GALNTL6: variants seen among roughly 807,000 people sequenced by gnomAD.
The protein encoded by GALNTL6 is polypeptide N-acetylgalactosaminyltransferase-like 6.
A neutral mutation model predicts 73.7 loss-of-function variants in GALNTL6; 46 were observed. The observed-to-expected ratio is 0.62, with a 90% confidence interval of 0.49 to 0.80. The LOEUF (loss-of-function observed/expected upper bound fraction) is 0.80. GALNTL6 is among the 30% of genes least tolerant of loss of function. GALNTL6 has a pLI of 0.00. For missense variants in GALNTL6, 604 were observed against 755.0 expected (o/e 0.80, Z 2.34); for synonymous variants, 259 against 263.7 (o/e 0.98, Z 0.17).
intron 2 of GALNTL6, among the ~76,000 whole-genome samples, chr4:172,225,163 G>A (rs932536272): frequency 2.0e-5 from 3 of 152,036 alleles, no homozygotes; most frequent in East Asian, 2.0e-4. Flanking sequence ...AACAGAGGAC[G>A]CATGATATAA....
At position 172,948,293 on chromosome 4, in the gene GALNTL6, T is replaced by G. The variant is rs539181991; in HGVS notation, c.1150-3744T>G. Among the ~76,000 whole-genome samples the G allele has an allele frequency of 1.6e-4, 24 of 152,334 alleles. 1 individual carries two copies. The East Asian group carries it at 3.8e-3, about 24-fold the overall frequency. On this transcript the variant is annotated intron_variant, in intron 9 of 12. Transcript: ENST00000506823. ...TTGTTATTGCCATCTTTGCAATTAT[T>G]ATGTTGTTTCTGTTTTACCATCTCT...
At chr4:171,918,379 T>G (rs1737688176) in intron 2 of GALNTL6, among the ~76,000 whole-genome samples, 1 of 152,238 alleles carries the variant, frequency 6.6e-6, no homozygotes, top group Non-Finnish European at 1.5e-5. Context: ...ATATGATGTG[T>G]CATGTTCTGA....
At chr4:172,206,885 T>G (rs1736146946) in intron 2 of GALNTL6, among the ~76,000 whole-genome samples, 2 of 142,584 alleles carry the variant, frequency 1.4e-5, no homozygotes, top group South Asian at 2.3e-4. Flanking sequence ...TGGTGTGATC[T>G]CCACTCACTG....
At chr4:171,859,742 T>C (rs755446394) in intron 2 of GALNTL6, among the ~76,000 whole-genome samples, 1 of 152,176 alleles carries the variant, frequency 6.6e-6, no homozygotes, top group African/African-American at 2.4e-5. Flanking sequence ...TGAGCTTTGG[T>C]GTCCAGGGTT....
At chr4:172,494,905 C>T (rs1186485925) in intron 5 of GALNTL6, among the ~76,000 whole-genome samples, 2 of 152,170 alleles carry the variant, frequency 1.3e-5, no homozygotes, top group Non-Finnish European at 2.9e-5. Flanking sequence ...ATGTTAGTCT[C>T]CTTTGGCAAC....
intron 9 of GALNTL6, among the ~76,000 whole-genome samples, chr4:172,943,226 T>C (rs1749000181): frequency 6.6e-6 from 1 of 151,966 alleles, no homozygotes; most frequent in African/African-American, 2.4e-5. Context: ...CCCTGTAGAA[T>C]GGCCCATGTC....
intron 5 of GALNTL6, among the ~76,000 whole-genome samples, chr4:172,431,072 A>G (rs1261020279): frequency 2.0e-5 from 3 of 152,152 alleles, no homozygotes; most frequent in African/African-American, 4.8e-5. Flanking sequence ...TCTTTTGTTT[A>G]TGATGTGATA....
At chr4:172,390,544 T>C (rs1201755915) in intron 5 of GALNTL6, among the ~76,000 whole-genome samples, 1 of 152,226 alleles carries the variant, frequency 6.6e-6, no homozygotes, top group African/African-American at 2.4e-5. Context: ...TTGTCCAGCA[T>C]GTCTACGCAG....
chr4:172,106,148 G>C (rs982681326), intron 2 of GALNTL6, among the ~76,000 whole-genome samples: 30 of 152,154 alleles, frequency 2.0e-4, no homozygotes, highest in Admixed American at 2.0e-3. Context: ...GAGTGGCTTA[G>C]ATAAGCAATA....
intron 2 of GALNTL6, among the ~76,000 whole-genome samples, chr4:172,165,854 T>G (rs1473562419): frequency 6.6e-6 from 1 of 152,148 alleles, no homozygotes; most frequent in Non-Finnish European, 1.5e-5. Context: ...TGCTGCTTCA[T>G]AGGAGTGATC....
chr4:172,469,859 A>G (rs1198208804), intron 5 of GALNTL6, among the ~76,000 whole-genome samples: 1 of 152,230 alleles, frequency 6.6e-6, no homozygotes, highest in African/African-American at 2.4e-5. Context: ...AGTGATATGA[A>G]TAAATGGTAG....
intron 7 of GALNTL6, among the ~76,000 whole-genome samples, chr4:172,867,244 C>T (rs1391754115): frequency 6.6e-6 from 1 of 152,138 alleles, no homozygotes; most frequent in Admixed American, 6.6e-5. Flanking sequence ...TAACATCCCC[C>T]CTACTTGTAG....
chr4:172,781,398 A>C (rs1274779995), intron 5 of GALNTL6, among the ~76,000 whole-genome samples: 1 of 152,242 alleles, frequency 6.6e-6, no homozygotes, highest in East Asian at 1.9e-4. Flanking sequence ...ACTAAATGAA[A>C]AATTAAAAGG....
chr4:172,360,315 C>A (rs1742317195), intron 5 of GALNTL6, among the ~76,000 whole-genome samples: 1 of 11,812 alleles, frequency 8.5e-5, no homozygotes, highest in African/African-American at 9.3e-5. Context: ...TATGAGAATG[C>A]TTTATCATCA....
At chr4:171,909,923 A>G (rs28715652) in intron 2 of GALNTL6, among the ~76,000 whole-genome samples, 85,922 of 151,872 alleles carry the variant, frequency 0.57, 25,480 homozygotes, top group African/African-American at 0.75. Flanking sequence ...ACTATTTTCT[A>G]TATTTGGATA....
At chr4:171,873,763 A>G (rs907108982) in intron 2 of GALNTL6, among the ~76,000 whole-genome samples, 18 of 152,156 alleles carry the variant, frequency 1.2e-4, no homozygotes, top group South Asian at 1.0e-3. Flanking sequence ...TGTTAATTCT[A>G]TGGATCAATA....
chr4:172,206,790 TTGTTTTGTTTTTCTGTTTTTTTTGTTTG>T, intron 2 of GALNTL6, among the ~76,000 whole-genome samples: 1 of 51,106 alleles, frequency 2.0e-5, no homozygotes, highest in Admixed American at 2.6e-4. Flanking sequence ...TTGTTTTGTT[TTGTTTTGTTTTTCTGTTTTTTTTGTTTG>T]TTTTTTTTTT....
At chr4:172,518,088 T>C (rs1734664977) in intron 5 of GALNTL6, among the ~76,000 whole-genome samples, 1 of 151,948 alleles carries the variant, frequency 6.6e-6, no homozygotes, top group Admixed American at 6.6e-5. Flanking sequence ...TAAATCGTGC[T>C]TTCTTTTTTT....
Position 173,030,629 on chromosome 4 carries a change from A to G in GALNTL6, c.1638+9004A>G, listed in dbSNP as rs146617929. ...TCCTACCAAGCAGGTGCGGGGTGGG[A>G]GCAGGACTGGTAGTTGGCTCAGCCA... On this transcript the variant is annotated intron_variant, in intron 12 of 12. Transcript: ENST00000506823. Among the ~76,000 whole-genome samples, 1,151 of 152,176 alleles carry G rather than the reference A, an allele frequency of 7.6e-3. 8 individuals carry two copies. Among genetic ancestry groups the G allele is most frequent in the South Asian group, 0.021 (100 of 4,818 alleles).
Sources: gnomAD v4.1 joint callset for allele counts (sites outside exome capture counted in the v4.1 genomes callset) on GRCh38, gnomAD v4.1.1 for gene constraint, MANE v1.5 for transcripts, NCBI Gene and HGNC (gene_info 2026-07-23, HGNC 2026-07-21) for gene names.